SPAG6: variants seen among roughly 807,000 people sequenced by gnomAD.
SPAG6 encodes sperm associated antigen 6, also known as sperm-associated antigen 6.
A neutral mutation model predicts 58.5 loss-of-function variants in SPAG6; 49 were observed. The observed-to-expected ratio is 0.84, with a 90% CI of 0.67 to 1.06. The LOEUF is 1.06. Ranked by LOEUF, SPAG6 falls within the 50% of genes least tolerant of loss-of-function variation. The pLI, the probability that SPAG6 is intolerant of heterozygous loss-of-function variation, is 0.00. For missense variants in SPAG6, 560 were observed against 611.3 expected (o/e 0.92, Z 0.89); for synonymous variants, 233 against 225.6 (o/e 1.03, Z -0.29).
intron 4 of SPAG6, among the ~76,000 whole-genome samples, chr10:22,370,785 T>C (rs1354285346): frequency 6.6e-6 from 1 of 152,234 alleles, no homozygotes; most frequent in Non-Finnish European, 1.5e-5. Context: ...TACATGTTGA[T>C]TGACAAAACT....
chr10:22,348,771 G>A (rs569607992), intron 2 of SPAG6, among the ~76,000 whole-genome samples: 3 of 152,154 alleles, frequency 2.0e-5, no homozygotes, highest in Admixed American at 1.3e-4. Context: ...AATTGCCAAA[G>A]CAGACAAAGT....
intron 9 of SPAG6, among the ~76,000 whole-genome samples, chr10:22,403,584 A>G (rs57800972): frequency 0.15 from 21,600 of 146,928 alleles, 5,018 homozygotes; most frequent in African/African-American, 0.52. Flanking sequence ...GAATAGTGCC[A>G]CAATAAACAT....
At chr10:22,375,195 C>T (rs1790206707) in intron 4 of SPAG6, among the ~76,000 whole-genome samples, 1 of 152,186 alleles carries the variant, frequency 6.6e-6, no homozygotes, top group Non-Finnish European at 1.5e-5. Context: ...ATAAATCTGC[C>T]TAATACCTTT....
At chr10:22,410,996 GA>G (rs1564382573) in intron 9 of SPAG6, 34 bp from the exon 10 acceptor site, 1 of 1,586,364 alleles carries the variant, frequency 6.3e-7, no homozygotes, top group East Asian at 2.2e-5. Flanking sequence ...ACTTGGAAAA[GA>G]AAAGCTGACA....
intron 9 of SPAG6, among the ~76,000 whole-genome samples, chr10:22,401,603 A>T (rs1834416216): frequency 6.6e-6 from 1 of 152,206 alleles, no homozygotes. Flanking sequence ...ACCTGGGAAT[A>T]TGGCAAAGAT....
intron 2 of SPAG6, among the ~76,000 whole-genome samples, chr10:22,360,549 G>A (rs145464495): frequency 2.0e-5 from 3 of 151,622 alleles, no homozygotes; most frequent in African/African-American, 4.8e-5. Flanking sequence ...TAAATTATGT[G>A]TATGGGAGCA....
chr10:22,364,125 A>C lies in SPAG6; in HGVS notation c.122-728A>C, dbSNP rs186049244. 3.6e-3 allele frequency among the ~76,000 whole-genome samples: 544 copies of C among 152,234 alleles called. 2 individuals carry two copies. Among genetic ancestry groups the C allele is most frequent in the African/African-American group, 0.013 (527 of 41,480 alleles). On this transcript the variant is annotated intron_variant, in intron 2 of 10. Transcript: ENST00000376624. ...AACAATTATCAATGAAAAATGTATA[A>C]ATTATAACCTTACTTTACCATTCAT...
intron 4 of SPAG6, among the ~76,000 whole-genome samples, chr10:22,374,553 A>C (rs1032907632): frequency 7.3e-5 from 11 of 149,838 alleles, no homozygotes; most frequent in African/African-American, 2.7e-4. Flanking sequence ...GGATCACTTG[A>C]GCCCAGGAAT....
intron 4 of SPAG6, among the ~76,000 whole-genome samples, chr10:22,379,330 T>C (rs541999139): frequency 2.6e-5 from 4 of 152,160 alleles, no homozygotes; most frequent in African/African-American, 9.7e-5. Flanking sequence ...CTTATTCACA[T>C]CCTTGTGTAG....
intron 4 of SPAG6, among the ~76,000 whole-genome samples, chr10:22,382,426 A>G (rs1833977566): frequency 6.6e-6 from 1 of 152,224 alleles, no homozygotes; most frequent in East Asian, 1.9e-4. Flanking sequence ...AGTCAAAAAA[A>G]AGGTTAAAGA....
At chr10:22,361,996 A>G (rs1431967619) in intron 2 of SPAG6, among the ~76,000 whole-genome samples, 1 of 146,968 alleles carries the variant, frequency 6.8e-6, no homozygotes, top group Admixed American at 6.8e-5. Flanking sequence ...AAATAAATAT[A>G]TATATTTATT....
chr10:22,356,955 G>A (rs1203052100), intron 2 of SPAG6, among the ~76,000 whole-genome samples: 1 of 152,030 alleles, frequency 6.6e-6, no homozygotes, highest in African/African-American at 2.4e-5. Flanking sequence ...ATCGTTTATT[G>A]GATACTTCAG....
At chr10:22,412,398 C>G in intron 10 of SPAG6, 1 of 1,012,910 alleles carries the variant, frequency 9.9e-7, no homozygotes, top group Non-Finnish European at 1.5e-6. Flanking sequence ...AGCACAAAAG[C>G]AATTTTAAGA....
intron 9 of SPAG6, among the ~76,000 whole-genome samples, chr10:22,406,502 A>G (rs1564380437): frequency 1.3e-5 from 2 of 152,128 alleles, no homozygotes; most frequent in Admixed American, 6.6e-5. Context: ...GGTCTGAGAG[A>G]CAGTTTGTTA....
intron 8 of SPAG6, among the ~76,000 whole-genome samples, chr10:22,393,694 G>C (rs1588664359): frequency 6.6e-6 from 1 of 152,076 alleles, no homozygotes; most frequent in Non-Finnish European, 1.5e-5. Flanking sequence ...TCTTTTAAAG[G>C]CTTCGAGCCC....
intron 4 of SPAG6, among the ~76,000 whole-genome samples, chr10:22,382,893 C>A (rs1016476165): frequency 6.6e-6 from 1 of 152,110 alleles, no homozygotes; most frequent in Non-Finnish European, 1.5e-5. Flanking sequence ...AAAAAAGATA[C>A]CACCCATAGT....
At chr10:22,349,508 G>A (rs1330376237) in intron 2 of SPAG6, among the ~76,000 whole-genome samples, 1 of 152,176 alleles carries the variant, frequency 6.6e-6, no homozygotes, top group African/African-American at 2.4e-5. Flanking sequence ...AACATGTTTT[G>A]TGGCTTACTG....
intron 2 of SPAG6, among the ~76,000 whole-genome samples, chr10:22,353,143 G>A (rs1247192666): frequency 1.3e-5 from 2 of 152,220 alleles, no homozygotes; most frequent in Non-Finnish European, 2.9e-5. Flanking sequence ...TCTATCTAAA[G>A]ATAGATTTTC....
chr10:22,360,089 T>G (rs571335579), intron 2 of SPAG6, among the ~76,000 whole-genome samples: 2 of 152,308 alleles, frequency 1.3e-5, no homozygotes, highest in South Asian at 4.1e-4. Context: ...CTGCATTGTG[T>G]TATAACAAAT....
Sources: allele counts gnomAD v4.1 joint callset (sites outside exome capture counted in the v4.1 genomes callset), GRCh38; gene constraint gnomAD v4.1.1; transcripts MANE v1.5; gene names NCBI Gene and HGNC (gene_info 2026-07-23, HGNC 2026-07-21).